The following SEPTIN2 variants were observed in gnomAD, a reference collection of about 807,000 sequenced individuals.
SEPTIN2 encodes septin 2.
A neutral mutation model predicts 46.5 loss-of-function variants in SEPTIN2; 34 were observed. That is an observed-to-expected ratio of 0.73 (90% CI 0.56 to 0.97). The LOEUF is 0.97. Among genes scored for constraint, SEPTIN2 ranks in the 50% least tolerant of loss-of-function variants. The pLI is 0.00. For synonymous variants in SEPTIN2, 175 were observed against 153.4 expected (o/e 1.14, Z -1.04); for missense variants, 347 against 448.4 (o/e 0.77, Z 2.04).
At chr2:241,338,723 ATTATATATAT>A (rs1292255278) in intron 7 of SEPTIN2, among the ~76,000 whole-genome samples, 2 of 102,894 alleles carry the variant, frequency 1.9e-5, no homozygotes, top group Admixed American at 4.1e-4. Context: ...TATATAATAT[ATTATATATAT>A]TATATTATTT....
intron 3 of SEPTIN2, among the ~76,000 whole-genome samples, chr2:241,331,165 C>T (rs544953000): frequency 2.4e-4 from 36 of 152,006 alleles, no homozygotes; most frequent in African/African-American, 7.5e-4. Context: ...CATGACAGAG[C>T]GAGACTCCGT....
Position 241,320,745 on chromosome 2 carries a change from C to T in SEPTIN2, c.-17-3471C>T, listed in dbSNP as rs1428106006. ...CAGAGGTTGTAGTGAGCTGAGATCG[C>T]GCCAGTGCACTCCAGCCTGGGCAAC... On this transcript the variant is annotated intron_variant, in intron 1 of 12. Coordinates refer to ENST00000391971, the MANE Select transcript of SEPTIN2 (RefSeq NM_004404.5). Among the ~76,000 whole-genome samples, 6 of 152,206 alleles carry T rather than the reference C, an allele frequency of 3.9e-5. No individual in the cohort carries two copies. The East Asian group carries it at 1.2e-3, about 29-fold the overall frequency.
rs1317104198 is a variant in SEPTIN2 at position 241,348,140 on chromosome 2, G to A, written c.933G>A (p.Val311=). The change falls in exon 11 of 13, where the codon GTG becomes GTA. Residue 311 remains valine, a synonymous_variant. Coordinates refer to ENST00000391971, the MANE Select transcript of SEPTIN2 (RefSeq NM_004404.5). ...GATTTCTTTCGATTCTTAGGAAAGT[G>A]GAGAATGAGGACATGAATAAAGACC... The part of the protein sequence containing the change: ...SERLKRGGRK[V]ENEDMNKDQI... 3.1e-6 allele frequency: 5 copies of A among 1,612,004 alleles called. No homozygotes were observed. The highest frequency in any genetic ancestry group is 2.2e-5 in the East Asian group (1 of 44,784).
At chr2:241,328,975 G>A (rs1006000431) in intron 3 of SEPTIN2, among the ~76,000 whole-genome samples, 9 of 147,646 alleles carry the variant, frequency 6.1e-5, no homozygotes, top group East Asian at 2.1e-4. Flanking sequence ...AGCCGAGATC[G>A]CGCCATTGCA....
rs1190675585 is a variant in SEPTIN2 at position 241,344,878 on chromosome 2, T to TGACATGGTGAAACCAGCCTGGCC, written c.842+1005_842+1027dup. ...GTCAGGAGTTTGAAACCAGCCTGGCTGACATGGTGAAACCAGCCTGGCCGA... is the reference window on the plus strand; with the variant it reads ...GTCAGGAGTTTGAAACCAGCCTGGCTGACATGGTGAAACCAGCCTGGCCGACATGGTGAAACCAGCCTGGCCGA... On this transcript the variant is annotated intron_variant, in intron 9 of 12. Coordinates refer to ENST00000391971, the MANE Select transcript of SEPTIN2 (RefSeq NM_004404.5). 4.0e-3 allele frequency among the ~76,000 whole-genome samples: 609 copies of TGACATGGTGAAACCAGCCTGGCC among 151,878 alleles called. 4 individuals are homozygous for TGACATGGTGAAACCAGCCTGGCC. The highest frequency in any genetic ancestry group is 0.014 in the African/African-American group (559 of 41,304).
chr2:241,331,395 C>T (rs1244105923), intron 3 of SEPTIN2, among the ~76,000 whole-genome samples: 1 of 152,146 alleles, frequency 6.6e-6, no homozygotes, highest in African/African-American at 2.4e-5. Context: ...CTTTCTCCCC[C>T]AAATTGTCCC....
At chr2:241,336,871 T>A in intron 5 of SEPTIN2, 1 of 169,270 alleles carries the variant, frequency 5.9e-6, no homozygotes, top group Middle Eastern at 5.2e-4. Flanking sequence ...TGAGGTGGGC[T>A]GATCACAAGG....
chr2:241,318,752 G>A (rs1204583294), intron 1 of SEPTIN2, among the ~76,000 whole-genome samples: 1 of 148,452 alleles, frequency 6.7e-6, no homozygotes, highest in Non-Finnish European at 1.5e-5. Context: ...CCAGGCTGGA[G>A]TGCAGTGGTG....
chr2:241,337,935 C>G lies in SEPTIN2; in HGVS notation c.594+145C>G, dbSNP rs1419003443. ...TTTCCTGCATTTTAGTGGTGGTTTT[C>G]AAGGAGAACCTGATGGTTACAAATT... On this transcript the variant is annotated intron_variant, in intron 7 of 12. Coordinates refer to ENST00000391971, the MANE Select transcript of SEPTIN2 (RefSeq NM_004404.5). 3.8e-5 allele frequency: 21 copies of G among 549,000 alleles called. No individual in the cohort carries two copies. In the East Asian group the frequency reaches 6.4e-4, roughly 17 times the overall value. The allele number at this position is 549,000 out of a possible 1,614,324, so 34.0% of individuals were successfully genotyped here.
At chr2:241,327,267 A>G (rs964159463) in intron 3 of SEPTIN2, among the ~76,000 whole-genome samples, 1 of 152,062 alleles carries the variant, frequency 6.6e-6, no homozygotes, top group Non-Finnish European at 1.5e-5. Context: ...GAATATAATA[A>G]GATAAAGGAA....
At chr2:241,350,025 C>G (rs2060641416) in intron 11 of SEPTIN2, 48 bp from the exon 12 acceptor site, 2 of 1,571,774 alleles carry the variant, frequency 1.3e-6, no homozygotes, top group South Asian at 1.1e-5. Context: ...AAATAATGTT[C>G]AAAGACAGCA....
At chr2:241,330,816 T>C (rs1425332345) in intron 3 of SEPTIN2, among the ~76,000 whole-genome samples, 2 of 152,206 alleles carry the variant, frequency 1.3e-5, no homozygotes, top group East Asian at 3.8e-4. Flanking sequence ...AGTGTAGTTA[T>C]CAAGGAGGAA....
chr2:241,325,077 A>G (rs1417983184), intron 2 of SEPTIN2: 1 of 150,954 alleles, frequency 6.6e-6, no homozygotes, highest in Non-Finnish European at 1.5e-5. Flanking sequence ...CAGATAAGCA[A>G]AAAAAAAAGT....
intron 3 of SEPTIN2, among the ~76,000 whole-genome samples, chr2:241,327,911 G>C (rs1394497298): frequency 1.3e-5 from 2 of 152,096 alleles, no homozygotes; most frequent in Non-Finnish European, 2.9e-5. Flanking sequence ...AAATTAGCCA[G>C]CCTTGGTGGG....
chr2:241,324,538 C>A (rs2077637357), intron 2 of SEPTIN2: 2 of 436,328 alleles, frequency 4.6e-6, no homozygotes, highest in African/African-American at 2.0e-5. Context: ...CAGACACGTG[C>A]CACCACGCTG....
intron 8 of SEPTIN2, 45 bp from the exon 9 acceptor site, chr2:241,343,707 G>C: frequency 6.2e-7 from 1 of 1,609,822 alleles, no homozygotes; most frequent in Non-Finnish European, 8.5e-7. Flanking sequence ...GTGAACTCTG[G>C]GGTTCCCTGT....
At chr2:241,320,682 C>G (rs1292192419) in intron 1 of SEPTIN2, among the ~76,000 whole-genome samples, 1 of 151,922 alleles carries the variant, frequency 6.6e-6, no homozygotes, top group Non-Finnish European at 1.5e-5. Flanking sequence ...TCAGCTATTC[C>G]GGAGGCTGAG....
intron 7 of SEPTIN2, among the ~76,000 whole-genome samples, chr2:241,338,892 A>G (rs1472189775): frequency 2.4e-5 from 2 of 84,416 alleles, no homozygotes; most frequent in South Asian, 2.6e-4. Context: ...TATAATATAT[A>G]TTATATATAT....
chr2:241,336,063 C>A lies in SEPTIN2; in HGVS notation c.306C>A (p.Thr102=), dbSNP rs1240110920. Residue 102 remains threonine, a synonymous_variant, in exon 5 of 13, where the codon ACC becomes ACA. Transcript: ENST00000391971. ...GVKLRLTVVD[T]PGYGDAINCR... ...AGCTACGCCTGACAGTGGTAGATAC[C>A]CCTGGCTATGGTGACGCTATCAACT... The A allele has an allele frequency of 6.2e-7, 1 of 1,613,870 alleles. No individual in the cohort carries two copies. Among genetic ancestry groups the A allele is most frequent in the African/African-American group, 1.3e-5 (1 of 74,832 alleles).
Sources: gnomAD v4.1 joint callset for allele counts (sites outside exome capture counted in the v4.1 genomes callset) on GRCh38, gnomAD v4.1.1 for gene constraint, MANE v1.5 for transcripts, NCBI Gene and HGNC (gene_info 2026-07-23, HGNC 2026-07-21) for gene names.